PLPPR1: variants seen among roughly 807,000 people sequenced by gnomAD.
PLPPR1 encodes the protein phospholipid phosphatase-related protein type 1.
PLPPR1 carries 10 observed loss-of-function variants against 33.1 expected under a neutral mutation model. The observed-to-expected ratio is 0.30, with a 90% CI of 0.19 to 0.51. The LOEUF (loss-of-function observed/expected upper bound fraction) is 0.51. PLPPR1 is among the 20% of genes least tolerant of loss of function. PLPPR1 has a pLI of 0.97. For synonymous variants in PLPPR1, 151 were observed against 151.0 expected (o/e 1.00, Z 0.00); for missense variants, 304 against 408.1 (o/e 0.74, Z 2.20).
At chr9:101,198,612 G>A (rs1264187745) in intron 2 of PLPPR1, among the ~76,000 whole-genome samples, 1 of 152,168 alleles carries the variant, frequency 6.6e-6, no homozygotes, top group African/African-American at 2.4e-5. Flanking sequence ...AGAGCCTAGG[G>A]TCTGCAAAGA....
chr9:101,093,296 A>T (rs1198976522), intron 1 of PLPPR1, among the ~76,000 whole-genome samples: 1 of 152,226 alleles, frequency 6.6e-6, no homozygotes, highest in African/African-American at 2.4e-5. Flanking sequence ...CAACACTCTC[A>T]GTTATTAATA....
intron 4 of PLPPR1, among the ~76,000 whole-genome samples, chr9:101,304,700 C>T (rs1300500131): frequency 1.3e-5 from 2 of 152,226 alleles, no homozygotes; most frequent in Non-Finnish European, 2.9e-5. Flanking sequence ...TCTTGGCCAA[C>T]TTTTCAGAGC....
chr9:101,275,976 C>T (rs144091505), intron 3 of PLPPR1, among the ~76,000 whole-genome samples: 36 of 152,144 alleles, frequency 2.4e-4, no homozygotes, highest in African/African-American at 8.2e-4. Flanking sequence ...GTTTCTGGGC[C>T]GTAAGCTCTT....
chr9:101,092,605 C>T (rs946496), intron 1 of PLPPR1, among the ~76,000 whole-genome samples: 85,901 of 151,926 alleles, frequency 0.57, 24,359 homozygotes, highest in Non-Finnish European at 0.6. Context: ...CTTACTCCCT[C>T]GTGCTGCAGG....
intron 2 of PLPPR1, among the ~76,000 whole-genome samples, chr9:101,198,874 A>G (rs947035845): frequency 2.0e-5 from 3 of 152,248 alleles, no homozygotes; most frequent in African/African-American, 7.2e-5. Context: ...GACAGAGGAG[A>G]CTGGCAAGGT....
At chr9:101,214,425 CACACACACATAT>C (rs1344642593) in intron 2 of PLPPR1, among the ~76,000 whole-genome samples, 14 of 151,982 alleles carry the variant, frequency 9.2e-5, no homozygotes, top group Admixed American at 5.9e-4. Flanking sequence ...TACACATGCA[CACACACACATAT>C]ACACACACGT....
intron 7 of PLPPR1, 116 bp from the exon 8 acceptor site, chr9:101,323,909 C>A: frequency 1.4e-6 from 1 of 703,268 alleles, no homozygotes; most frequent in Non-Finnish European, 2.4e-6. Flanking sequence ...ATTAGGGGGA[C>A]GGAACAGCCT....
chr9:101,324,579 T>G lies in PLPPR1; in HGVS notation c.*522T>G, dbSNP rs1299784032. 6.5e-6 allele frequency: 1 copy of G among 152,696 alleles called. No homozygotes were observed. Among genetic ancestry groups the G allele is most frequent in the African/African-American group, 2.4e-5 (1 of 41,574 alleles). The allele number at this position is 152,696 out of a possible 1,614,324, so 9.5% of individuals were successfully genotyped here. ...GTTGCACTCTGATCTCTTAACAAAT[T>G]GTTACGTTCAAAGTTTAAAGTGATA... On this transcript the variant is annotated 3_prime_UTR_variant, in exon 8 of 8. Transcript: ENST00000374874.
intron 1 of PLPPR1, among the ~76,000 whole-genome samples, chr9:101,049,378 T>G (rs1588006876): frequency 1.3e-5 from 2 of 152,338 alleles, no homozygotes; most frequent in South Asian, 2.1e-4. Flanking sequence ...ATTAAATAAA[T>G]TGAAACATTA....
intron 4 of PLPPR1, among the ~76,000 whole-genome samples, chr9:101,308,643 G>A (rs1828898026): frequency 6.6e-6 from 1 of 151,608 alleles, no homozygotes; most frequent in Non-Finnish European, 1.5e-5. Context: ...AAAGTTTCTA[G>A]AATAATTTTT....
At chr9:101,052,719 C>G (rs1830237431) in intron 1 of PLPPR1, among the ~76,000 whole-genome samples, 2 of 152,102 alleles carry the variant, frequency 1.3e-5, no homozygotes, top group Admixed American at 1.3e-4. Flanking sequence ...TTCTAATGTC[C>G]CATTGGCAAA....
At chr9:101,322,490 T>C (rs894692303) in intron 7 of PLPPR1, 4 of 151,902 alleles carry the variant, frequency 2.6e-5, no homozygotes, top group African/African-American at 7.3e-5. Context: ...AAAAGTGTCC[T>C]TGAGCTTTCT....
chr9:101,178,409 G>C (rs1826049826), intron 1 of PLPPR1, among the ~76,000 whole-genome samples: 1 of 152,178 alleles, frequency 6.6e-6, no homozygotes, highest in South Asian at 2.1e-4. Context: ...AAAGAGCAGA[G>C]GTTTGTCCTC....
chr9:101,101,403 C>T (rs1438728078), intron 1 of PLPPR1, among the ~76,000 whole-genome samples: 2 of 151,796 alleles, frequency 1.3e-5, no homozygotes, highest in African/African-American at 4.8e-5. Context: ...ACTGTCAATG[C>T]TCCTGAATCT....
chr9:101,108,288 A>G (rs929610254), intron 1 of PLPPR1, among the ~76,000 whole-genome samples: 4 of 152,340 alleles, frequency 2.6e-5, no homozygotes, highest in South Asian at 2.1e-4. Flanking sequence ...ATAAAAATCA[A>G]TTGATCTGTC....
chr9:101,050,467 T>C (rs1830208022), intron 1 of PLPPR1, among the ~76,000 whole-genome samples: 2 of 152,176 alleles, frequency 1.3e-5, no homozygotes, highest in South Asian at 4.1e-4. Context: ...GTCTTATTTT[T>C]GATATCCAGA....
chr9:101,228,017 G>C (rs1038905795), intron 2 of PLPPR1, among the ~76,000 whole-genome samples: 3 of 152,240 alleles, frequency 2.0e-5, no homozygotes, highest in African/African-American at 7.2e-5. Flanking sequence ...GGCTTCAGGA[G>C]ATCCACCCAC....
chr9:101,078,140 GAAGAAGA>G (rs1830565651), intron 1 of PLPPR1, among the ~76,000 whole-genome samples: 5 of 18,466 alleles, frequency 2.7e-4, no homozygotes, highest in Admixed American at 2.2e-3. Context: ...AGAAGAAGAA[GAAGAAGA>G]AGAAGAAGAA....
At chr9:101,312,716 G>A in intron 5 of PLPPR1, 82 bp from the exon 6 acceptor site, 2 of 1,110,840 alleles carry the variant, frequency 1.8e-6, no homozygotes, top group Non-Finnish European at 2.7e-6. Flanking sequence ...GTGTATGCTG[G>A]TGTATGTACC....
Sources: allele counts gnomAD v4.1 joint callset (sites outside exome capture counted in the v4.1 genomes callset), GRCh38; gene constraint gnomAD v4.1.1; transcripts MANE v1.5; gene names NCBI Gene and HGNC (gene_info 2026-07-23, HGNC 2026-07-21).